Variants in ASAP1 observed in about 807,000 individuals in gnomAD.
ASAP1 encodes the protein ArfGAP with SH3 domain, ankyrin repeat and PH domain 1.
In ASAP1, 43 loss-of-function variants were observed where a neutral mutation model predicts 145.2. The observed-to-expected ratio is 0.30, with a 90% CI of 0.23 to 0.38. The LOEUF is 0.38. ASAP1 is among the 10% of genes least tolerant of loss of function. The pLI is 1.00. For synonymous variants in ASAP1, 546 were observed against 515.5 expected (o/e 1.06, Z -0.80); for missense variants, 1,018 against 1,355.3 (o/e 0.75, Z 3.91).
intron 17 of ASAP1, among the ~76,000 whole-genome samples, chr8:130,124,967 T>G (rs778149787): frequency 4.6e-5 from 7 of 152,142 alleles, no homozygotes; most frequent in Non-Finnish European, 1.0e-4. Context: ...CATTCTAAAT[T>G]AGAAGGAATG....
chr8:130,143,627 T>C (rs2097618739), intron 13 of ASAP1, among the ~76,000 whole-genome samples: 1 of 152,178 alleles, frequency 6.6e-6, no homozygotes. Flanking sequence ...GATGAAGATA[T>C]CCCTCTGACA....
At chr8:130,058,414 A>C (rs1401171323) in intron 28 of ASAP1, among the ~76,000 whole-genome samples, 1 of 152,220 alleles carries the variant, frequency 6.6e-6, no homozygotes, top group African/African-American at 2.4e-5. Context: ...CCCCCAACCC[A>C]CATCAGCTTG....
At chr8:130,389,637 A>G (rs372993351) in intron 2 of ASAP1, among the ~76,000 whole-genome samples, 2 of 152,296 alleles carry the variant, frequency 1.3e-5, no homozygotes, top group South Asian at 2.1e-4. Context: ...ACCAGCCAGA[A>G]CTACCTAAGC....
At chr8:130,239,062 C>T (rs1443874800) in intron 3 of ASAP1, among the ~76,000 whole-genome samples, 1 of 152,070 alleles carries the variant, frequency 6.6e-6, no homozygotes, top group African/African-American at 2.4e-5. Context: ...AAACCAGGAT[C>T]ACTTACCATT....
chr8:130,079,934 T>G lies in ASAP1; in HGVS notation c.2610A>C (p.Thr870=), dbSNP rs1319369284. 3 of 1,614,180 alleles carry G rather than the reference T, an allele frequency of 1.9e-6. No homozygotes were observed. Among genetic ancestry groups the G allele is most frequent in the East Asian group, 4.5e-5 (2 of 44,890 alleles). Residue 870 remains threonine, a synonymous_variant, in exon 26 of 30, where the codon ACA becomes ACC. Transcript: ENST00000518721. The part of the protein sequence containing the change: ...DGGPSSSSKT[T]NKFEGLSQQS... ...GCTGGGATAGTCCCTCAAACTTGTT[T>G]GTAGTCTTACTTGAAGAGGATGGAC...
At chr8:130,308,588 G>C (rs1440936110) in intron 3 of ASAP1, among the ~76,000 whole-genome samples, 2 of 152,156 alleles carry the variant, frequency 1.3e-5, no homozygotes, top group Non-Finnish European at 2.9e-5. Context: ...ATTAACATTA[G>C]CATCAGGAAG....
chr8:130,161,334 C>T (rs1347427613), intron 11 of ASAP1, among the ~76,000 whole-genome samples: 2 of 152,244 alleles, frequency 1.3e-5, no homozygotes, highest in African/African-American at 4.8e-5. Flanking sequence ...ACCTTTAACG[C>T]CAGGATGGCT....
At chr8:130,430,804 C>G (rs1830109609) in intron 1 of ASAP1, among the ~76,000 whole-genome samples, 1 of 152,222 alleles carries the variant, frequency 6.6e-6, no homozygotes, top group Admixed American at 6.5e-5. Flanking sequence ...CAATGAGTGA[C>G]AGGCGTGAAG....
rs1828735886 is a variant in ASAP1 at position 130,400,481 on chromosome 8, C to A, written c.59+1404G>T. 3.5e-5 allele frequency among the ~76,000 whole-genome samples: 5 copies of A among 142,194 alleles called. No individual in the cohort carries two copies. In the South Asian group the frequency reaches 6.6e-4, roughly 19 times the overall value. 93.3% of individuals were successfully genotyped at this position (142,194 alleles called of 152,430 possible). A position where few individuals can be genotyped will look rare whatever the true frequency, so the allele number is the denominator to read the frequency against. On this transcript the variant is annotated intron_variant, in intron 2 of 29. Transcript: ENST00000518721. Reference sequence around the variant, plus strand: ...TATCTCTACCTCTCCCAAGAGGTAACGTGGCATAGGAAAAAAAAAAAGGCC... The same window carrying A: ...TATCTCTACCTCTCCCAAGAGGTAAAGTGGCATAGGAAAAAAAAAAAGGCC...
intron 3 of ASAP1, among the ~76,000 whole-genome samples, chr8:130,277,751 CAA>C (rs1240724889): frequency 1.3e-5 from 2 of 152,202 alleles, no homozygotes; most frequent in African/African-American, 4.8e-5. Flanking sequence ...TAAGATTTCT[CAA>C]AAGAGTTTAC....
intron 2 of ASAP1, among the ~76,000 whole-genome samples, chr8:130,362,670 CG>C (rs895070077): frequency 6.6e-6 from 1 of 152,150 alleles, no homozygotes; most frequent in Non-Finnish European, 1.5e-5. Flanking sequence ...CAGTAATTCC[CG>C]AAGTCTGGGA....
In ASAP1 at chr8:130,193,661, A is replaced by C. The variant is rs138069314; in HGVS notation, c.406-5478T>G. ...AATTACGGTTTGCATCAATGCCTCA[A>C]ATCCTTTGTGAAATGAAGCAGCAAA... On this transcript the variant is annotated intron_variant, in intron 5 of 29. Coordinates refer to ENST00000518721, the MANE Select transcript of ASAP1 (RefSeq NM_018482.4). Among the ~76,000 whole-genome samples, 815 of 152,310 alleles carry C rather than the reference A, an allele frequency of 5.4e-3. 9 individuals carry two copies. Among genetic ancestry groups the C allele is most frequent in the African/African-American group, 0.018 (741 of 41,560 alleles).
chr8:130,389,952 GC>G (rs1349549653), intron 2 of ASAP1, among the ~76,000 whole-genome samples: 2 of 152,138 alleles, frequency 1.3e-5, no homozygotes, highest in East Asian at 3.8e-4. Context: ...GGATACAAAA[GC>G]TTGAAAACCA....
chr8:130,323,458 G>C (rs1254882447), intron 3 of ASAP1, among the ~76,000 whole-genome samples: 6 of 152,220 alleles, frequency 3.9e-5, no homozygotes, highest in Non-Finnish European at 8.8e-5. Flanking sequence ...AGCTCTATCA[G>C]ACAAATATAA....
rs114266713 is a variant in ASAP1, at chr8:130,104,911, T to C, written c.2401+7183A>G. Among the ~76,000 whole-genome samples the C allele has an allele frequency of 1.4e-3, 215 of 152,300 alleles. 1 individual carries two copies. The highest frequency in any genetic ancestry group is 4.6e-3 in the African/African-American group (193 of 41,574). On this transcript the variant is annotated intron_variant, in intron 24 of 29. Transcript: ENST00000518721. ...GCTTAAAAATTATCTTGACAGTTTC[T>C]GAAAAAGTTGTCTGTAGAAACATAA...
chr8:130,056,615 G>A (rs2135001017), intron 29 of ASAP1, among the ~76,000 whole-genome samples: 1 of 152,330 alleles, frequency 6.6e-6, no homozygotes, highest in Admixed American at 6.5e-5. Flanking sequence ...AAGAATCTGA[G>A]GTCACTGTCT....
intron 9 of ASAP1, among the ~76,000 whole-genome samples, chr8:130,173,910 T>C (rs142739996): frequency 3.5e-5 from 5 of 141,010 alleles, no homozygotes; most frequent in South Asian, 2.4e-4. Flanking sequence ...TTGTCTCTAC[T>C]AAAAAAAAAA....
intron 25 of ASAP1, among the ~76,000 whole-genome samples, 177 bp from the exon 26 acceptor site, chr8:130,080,148 G>C (rs2097475787): frequency 6.6e-6 from 1 of 152,170 alleles, no homozygotes; most frequent in South Asian, 2.1e-4. Context: ...GCACTGTTTT[G>C]GGCTTTGCGG....
intron 3 of ASAP1, among the ~76,000 whole-genome samples, chr8:130,280,774 T>C (rs1821200672): frequency 6.6e-6 from 1 of 152,230 alleles, no homozygotes; most frequent in Admixed American, 6.5e-5. Context: ...TAATTTTCTA[T>C]GTTAGAATTT....
Sources: gnomAD v4.1 joint callset for allele counts (sites outside exome capture counted in the v4.1 genomes callset) on GRCh38, gnomAD v4.1.1 for gene constraint, MANE v1.5 for transcripts, NCBI Gene and HGNC (gene_info 2026-07-23, HGNC 2026-07-21) for gene names.